Variants in RALGPS1 observed in about 807,000 individuals in gnomAD.
The protein encoded by RALGPS1 is ras-specific guanine nucleotide-releasing factor RalGPS1.
Under a neutral mutation model 78.8 loss-of-function variants are expected in RALGPS1, and 19 were observed. That is an observed-to-expected ratio of 0.24 (90% CI 0.17 to 0.35). The LOEUF (loss-of-function observed/expected upper bound fraction) is 0.35. Ranked by LOEUF, RALGPS1 falls within the 10% of genes least tolerant of loss-of-function variation. RALGPS1 has a pLI of 1.00. For synonymous variants in RALGPS1, 228 were observed against 256.3 expected, an observed-to-expected ratio of 0.89 and a Z score of 1.06; for missense variants, 454 against 688.3, an observed-to-expected ratio of 0.66 and a Z score of 3.81.
At chr9:127,146,123 A>G (rs529871771) in intron 8 of RALGPS1, among the ~76,000 whole-genome samples, 2 of 152,302 alleles carry the variant, frequency 1.3e-5, no homozygotes, top group South Asian at 4.1e-4. Context: ...CATATTTGTT[A>G]CACGGGAATA....
intron 8 of RALGPS1, among the ~76,000 whole-genome samples, chr9:127,123,133 G>A (rs181506792): frequency 6.6e-6 from 1 of 152,216 alleles, no homozygotes; most frequent in East Asian, 1.9e-4. Flanking sequence ...AGCCCAGAGC[G>A]CCTCTCCCCA....
chr9:127,217,010 C>G, intron 18 of RALGPS1: 6 of 1,524,224 alleles, frequency 3.9e-6, no homozygotes, highest in Non-Finnish European at 5.3e-6. Context: ...GAAGCCTGGG[C>G]ACCATGGTGG....
chr9:127,011,707 T>C (rs1368978969), intron 4 of RALGPS1, among the ~76,000 whole-genome samples: 1 of 152,168 alleles, frequency 6.6e-6, no homozygotes, highest in East Asian at 1.9e-4. Context: ...AAAAAATAAA[T>C]ACTTTTATAG....
intron 14 of RALGPS1, 37 bp downstream of exon 14, chr9:127,199,103 C>A: frequency 6.3e-7 from 1 of 1,597,614 alleles, no homozygotes; most frequent in Non-Finnish European, 8.6e-7. Context: ...CTCCCAGGGG[C>A]GGTGCTCAGG....
chr9:127,083,047 G>A (rs2051335582), intron 8 of RALGPS1, among the ~76,000 whole-genome samples: 2 of 152,158 alleles, frequency 1.3e-5, no homozygotes, highest in South Asian at 2.1e-4. Context: ...GGAAGGGCTG[G>A]GGAATAGGAT....
rs543095686 is a variant in RALGPS1 at position 127,056,768 on chromosome 9, C to T, written c.483+3829C>T. Among the ~76,000 whole-genome samples, 9 of 152,286 alleles carry T rather than the reference C, an allele frequency of 5.9e-5. No individual in the cohort carries two copies. In the South Asian group the frequency reaches 1.7e-3, roughly 28 times the overall value. ...TTGATTTTTCTCTGTATCCTTGGTG[C>T]CCAGCCACTATACATTTGTTGTTTG... On this transcript the variant is annotated intron_variant, in intron 7 of 18. Coordinates refer to ENST00000259351, the MANE Select transcript of RALGPS1 (RefSeq NM_014636.3).
At chr9:127,163,833 TTAAC>T (rs1158568434) in intron 8 of RALGPS1, among the ~76,000 whole-genome samples, 2 of 152,250 alleles carry the variant, frequency 1.3e-5, no homozygotes, top group Non-Finnish European at 2.9e-5. Flanking sequence ...TTTTATATAA[TTAAC>T]CAAGTTAATT....
chr9:126,980,788 A>G (rs2041177194), intron 4 of RALGPS1, among the ~76,000 whole-genome samples: 1 of 152,206 alleles, frequency 6.6e-6, no homozygotes, highest in African/African-American at 2.4e-5. Flanking sequence ...CTAGAGCTCA[A>G]GCTCTCAGCC....
chr9:127,171,826 A>AAC (rs2059583303), intron 10 of RALGPS1, among the ~76,000 whole-genome samples: 1 of 152,208 alleles, frequency 6.6e-6, no homozygotes, highest in Non-Finnish European at 1.5e-5. Context: ...GTTTTATTTT[A>AAC]ACTAGGTTTC....
intron 6 of RALGPS1, among the ~76,000 whole-genome samples, chr9:127,052,212 C>T (rs917486683): frequency 3.3e-5 from 5 of 152,200 alleles, no homozygotes; most frequent in African/African-American, 9.7e-5. Context: ...ATGGCACCCC[C>T]GTCCTGTTAG....
chr9:127,006,167 C>CT (rs2043822752), intron 4 of RALGPS1, among the ~76,000 whole-genome samples: 1 of 152,236 alleles, frequency 6.6e-6, no homozygotes, highest in East Asian at 1.9e-4. Flanking sequence ...AGGATGCCCA[C>CT]TGTCACCACT....
At chr9:127,167,322 G>A (rs1328995482) in intron 9 of RALGPS1, among the ~76,000 whole-genome samples, 1 of 152,208 alleles carries the variant, frequency 6.6e-6, no homozygotes, top group Non-Finnish European at 1.5e-5. Flanking sequence ...AGGGGTAGGA[G>A]GCACCTGTAT....
chr9:127,057,557 C>T (rs2048846631), intron 7 of RALGPS1, among the ~76,000 whole-genome samples: 1 of 152,220 alleles, frequency 6.6e-6, no homozygotes. Context: ...ATGCCATCTG[C>T]ATACACAAAC....
At chr9:127,107,887 C>T in intron 8 of RALGPS1, 1 of 1,515,318 alleles carries the variant, frequency 6.6e-7, no homozygotes, top group Non-Finnish European at 8.9e-7. Context: ...CTGAGACCCA[C>T]ATGTAACACG....
chr9:127,074,084 G>T (rs2050468754), intron 8 of RALGPS1, among the ~76,000 whole-genome samples: 1 of 152,144 alleles, frequency 6.6e-6, no homozygotes, highest in Non-Finnish European at 1.5e-5. Context: ...GTTTCACCAT[G>T]TTGGCCAGGC....
At chr9:127,111,556 A>G (rs1470460725) in intron 8 of RALGPS1, among the ~76,000 whole-genome samples, 1 of 152,216 alleles carries the variant, frequency 6.6e-6, no homozygotes, top group Non-Finnish European at 1.5e-5. Flanking sequence ...TCCCATGGAC[A>G]AGTGACTGCC....
At chr9:127,186,197 C>T (rs1174399119) in intron 11 of RALGPS1, among the ~76,000 whole-genome samples, 1 of 152,116 alleles carries the variant, frequency 6.6e-6, no homozygotes, top group African/African-American at 2.4e-5. Flanking sequence ...ATATCTCGTT[C>T]CCCACAGAGA....
chr9:127,041,153 G>A (rs1360511900), intron 5 of RALGPS1, among the ~76,000 whole-genome samples: 2 of 151,610 alleles, frequency 1.3e-5, no homozygotes, highest in African/African-American at 4.9e-5. Flanking sequence ...GTGCAGTGGC[G>A]TGATCTCAGA....
intron 5 of RALGPS1, among the ~76,000 whole-genome samples, chr9:127,049,416 C>G (rs2048101982): frequency 6.6e-6 from 1 of 152,154 alleles, no homozygotes; most frequent in Non-Finnish European, 1.5e-5. Flanking sequence ...ACCATCATAC[C>G]CTTTTTGGTG....
Sources: gnomAD v4.1 joint callset for allele counts (sites outside exome capture counted in the v4.1 genomes callset) on GRCh38, gnomAD v4.1.1 for gene constraint, MANE v1.5 for transcripts, NCBI Gene and HGNC (gene_info 2026-07-23, HGNC 2026-07-21) for gene names.